Variants in MCC observed in about 807,000 individuals in gnomAD.
The protein encoded by MCC is colorectal mutant cancer protein.
In MCC, 90 loss-of-function variants were observed where a neutral mutation model predicts 116.2. The ratio of observed to expected loss-of-function variants is 0.77; its 90% CI spans 0.65 to 0.92. The LOEUF (loss-of-function observed/expected upper bound fraction) is 0.92, where lower values mean the gene tolerates loss of function less well. MCC is among the 40% of genes least tolerant of loss of function. The pLI is 0.00. For synonymous variants in MCC, 578 were observed against 510.5 expected (o/e 1.13, Z -1.78); for missense variants, 1,516 against 1,312.2 (o/e 1.16, Z -2.40).
At chr5:113,334,369 A>C (rs1767819791) in intron 3 of MCC, among the ~76,000 whole-genome samples, 1 of 150,744 alleles carries the variant, frequency 6.6e-6, no homozygotes, top group Non-Finnish European at 1.5e-5. Context: ...CACCACGCCC[A>C]GCTAATATTT....
chr5:113,398,012 A>G (rs1430296784), intron 1 of MCC, among the ~76,000 whole-genome samples: 1 of 152,232 alleles, frequency 6.6e-6, no homozygotes, highest in African/African-American at 2.4e-5. Flanking sequence ...AACTTCATTA[A>G]ATAATGGGCA....
At chr5:113,128,393 C>G (rs1358777723) in intron 5 of MCC, among the ~76,000 whole-genome samples, 6 of 152,152 alleles carry the variant, frequency 3.9e-5, no homozygotes, top group African/African-American at 1.2e-4. Flanking sequence ...AAATGGCTGG[C>G]TTTCTTTTAA....
chr5:113,186,358 C>T (rs550494220), intron 3 of MCC, among the ~76,000 whole-genome samples: 32 of 152,254 alleles, frequency 2.1e-4, no homozygotes, highest in Non-Finnish European at 3.4e-4. Flanking sequence ...CTCATTTGGG[C>T]CTGTTTTAAA....
At chr5:113,458,542 C>T (rs1771646917) in intron 1 of MCC, among the ~76,000 whole-genome samples, 1 of 152,320 alleles carries the variant, frequency 6.6e-6, no homozygotes, top group East Asian at 1.9e-4. Context: ...CCCACCAATT[C>T]CAGACACAAT....
chr5:113,183,548 A>C (rs1761734411), intron 3 of MCC, among the ~76,000 whole-genome samples: 1 of 152,118 alleles, frequency 6.6e-6, no homozygotes, highest in South Asian at 2.1e-4. Context: ...TTTGGTTCCA[A>C]ATAAGCCTGG....
At chr5:113,029,130 G>A in intron 17 of MCC, 74 bp from the exon 18 acceptor site, 2 of 1,461,238 alleles carry the variant, frequency 1.4e-6, no homozygotes, top group Non-Finnish European at 1.8e-6. Context: ...CTGGGAAGTG[G>A]TGACAGAAAG....
chr5:113,070,956 T>TGTCCAAACCGCCAGATATGCCTTG, intron 12 of MCC, 138 bp downstream of exon 12: 2 of 792,422 alleles, frequency 2.5e-6, no homozygotes, highest in Admixed American at 5.5e-5. Flanking sequence ...AGCTATTTGC[T>TGTCCAAACCGCCAGATATGCCTTG]GTCCAAACCG....
intron 5 of MCC, among the ~76,000 whole-genome samples, chr5:113,135,558 CAA>C (rs11377680): frequency 0.48 from 48,695 of 102,254 alleles, 10,277 homozygotes; most frequent in East Asian, 0.66. Flanking sequence ...GACTCTGTCT[CAA>C]AAAAAAAAAA....
intron 3 of MCC, among the ~76,000 whole-genome samples, chr5:113,203,545 C>T (rs1762781960): frequency 6.6e-6 from 1 of 152,016 alleles, no homozygotes; most frequent in Non-Finnish European, 1.5e-5. Flanking sequence ...ACCGAATACT[C>T]CCCGAGCGCA....
intron 2 of MCC, among the ~76,000 whole-genome samples, chr5:113,350,031 G>C (rs1022207914): frequency 1.5e-4 from 23 of 151,950 alleles, no homozygotes; most frequent in African/African-American, 4.6e-4. Flanking sequence ...ACTGATGAAA[G>C]AAATTGAAGA....
At chr5:113,269,322 T>C (rs1202542643) in intron 3 of MCC, 1 of 423,134 alleles carries the variant, frequency 2.4e-6, no homozygotes, top group African/African-American at 2.2e-5. Context: ...CCTTTTTCAA[T>C]GATACCTTAA....
chr5:113,105,256 TCA>T (rs1255027767), intron 6 of MCC, among the ~76,000 whole-genome samples: 7 of 152,222 alleles, frequency 4.6e-5, no homozygotes, highest in African/African-American at 1.4e-4. Context: ...TGAAAATTGC[TCA>T]GTGTCTTCCA....
At chr5:113,358,452 A>T (rs1482819972) in intron 2 of MCC, among the ~76,000 whole-genome samples, 1 of 152,134 alleles carries the variant, frequency 6.6e-6, no homozygotes, top group Admixed American at 6.6e-5. Flanking sequence ...CCTTCATTTG[A>T]GCACTGGGCT....
At chr5:113,312,546 T>C (rs569510884) in intron 3 of MCC, among the ~76,000 whole-genome samples, 9 of 152,214 alleles carry the variant, frequency 5.9e-5, no homozygotes, top group African/African-American at 1.9e-4. Context: ...AGAAGGTCAA[T>C]GCAGCTGGAG....
At position 113,344,045 on chromosome 5, in the gene MCC, G is replaced by A. The variant is rs139934271; in HGVS notation, c.416-3315C>T. Reference sequence around the variant, plus strand: ...AGGCACTCAAGAGGTAGGAAAGACCGTCTTGAATCACCAACACCACTCCTC... The same window carrying A: ...AGGCACTCAAGAGGTAGGAAAGACCATCTTGAATCACCAACACCACTCCTC... On this transcript the variant is annotated intron_variant, in intron 2 of 18. Coordinates refer to ENST00000408903, the MANE Select transcript of MCC (RefSeq NM_001085377.2). Among the ~76,000 whole-genome samples, 443 of 152,266 alleles carry A rather than the reference G, an allele frequency of 2.9e-3. 3 individuals are homozygous for A. Among genetic ancestry groups the A allele is most frequent in the Non-Finnish European group, 5.0e-3 (339 of 68,024 alleles).
At chr5:113,483,729 A>G (rs1385556926) in intron 1 of MCC, among the ~76,000 whole-genome samples, 1 of 152,244 alleles carries the variant, frequency 6.6e-6, no homozygotes, top group Non-Finnish European at 1.5e-5. Flanking sequence ...TGTATTATAA[A>G]GACACATGCA....
intron 3 of MCC, among the ~76,000 whole-genome samples, chr5:113,295,543 G>A (rs1163751304): frequency 6.6e-6 from 1 of 152,090 alleles, no homozygotes; most frequent in Non-Finnish European, 1.5e-5. Flanking sequence ...TGTCAGATAG[G>A]CTCCCCAACC....
rs1172910108 is a variant in MCC, at chr5:113,312,177, T to C, written c.627+28342A>G. On this transcript the variant is annotated intron_variant, in intron 3 of 18. Transcript: ENST00000408903. ...CTGTGGTCCCAGCTACTGGGGAGGC[T>C]GAGGCAGGAGAATCACTTGAACCTG... Among the ~76,000 whole-genome samples the C allele has an allele frequency of 3.3e-5, 5 of 151,970 alleles. No individual in the cohort carries two copies. The East Asian group carries it at 7.7e-4, about 23-fold the overall frequency.
chr5:113,157,857 ATAAT>A (rs1329051575), intron 3 of MCC, among the ~76,000 whole-genome samples: 1 of 152,240 alleles, frequency 6.6e-6, no homozygotes, highest in African/African-American at 2.4e-5. Context: ...GAGATTCAAA[ATAAT>A]TAATAGAACA....
Sources: allele counts gnomAD v4.1 joint callset (sites outside exome capture counted in the v4.1 genomes callset), GRCh38; gene constraint gnomAD v4.1.1; transcripts MANE v1.5; gene names NCBI Gene and HGNC (gene_info 2026-07-23, HGNC 2026-07-21).